The following LOC131768270 variants were observed in gnomAD, a reference collection of about 807,000 sequenced individuals.
chr5:140,565,886 A>C, the LOC131768270 span: 40 of 398,952 alleles, frequency 1.0e-4, no homozygotes, highest in African/African-American at 8.0e-4. Flanking sequence ...TCTCTGCCTA[A>C]GCTTAAGGAC....
the LOC131768270 span, chr5:140,567,906 T>C: frequency 6.2e-7 from 1 of 1,614,074 alleles, no homozygotes; most frequent in African/African-American, 1.3e-5. Context: ...CCAGGCCTCC[T>C]GGAAGGTTTC....
At chr5:140,567,760 C>T in the LOC131768270 span, 1 of 1,614,152 alleles carries the variant, frequency 6.2e-7, no homozygotes, top group Non-Finnish European at 8.5e-7. Context: ...TGTACTGCCT[C>T]ATCTCAGGCT....
the LOC131768270 span, chr5:140,565,896 C>T: frequency 1.5e-5 from 6 of 398,846 alleles, no homozygotes; most frequent in Non-Finnish European, 2.7e-5. Context: ...AGCTTAAGGA[C>T]CTGGCATTTC....
chr5:140,567,532 CAA>C, the LOC131768270 span: 1 of 1,614,206 alleles, frequency 6.2e-7, no homozygotes, highest in African/African-American at 1.3e-5. Flanking sequence ...TGAGTAATCT[CAA>C]GATTGGAAGC....
chr5:140,565,701 A>G, the LOC131768270 span: 1 of 385,926 alleles, frequency 2.6e-6, no homozygotes, highest in African/African-American at 2.1e-5. Flanking sequence ...CCTCATTTGA[A>G]TTCTGTGCTT....
chr5:140,566,431 A>G, the LOC131768270 span: 1 of 398,364 alleles, frequency 2.5e-6, no homozygotes, highest in South Asian at 1.4e-4. Context: ...ACCTTGGGAA[A>G]AATCTGGAGA....
At chr5:140,567,443 T>G in the LOC131768270 span, 2 of 1,614,150 alleles carry the variant, frequency 1.2e-6, no homozygotes, top group Non-Finnish European at 1.7e-6. Flanking sequence ...CTTCGCACTA[T>G]CAGCCCTGCT....
chr5:140,567,118 A>C, the LOC131768270 span: 3 of 1,613,472 alleles, frequency 1.9e-6, no homozygotes, highest in Admixed American at 5.0e-5. Context: ...GATTTTCCCC[A>C]AACGTGTTGC....
the LOC131768270 span, chr5:140,566,479 G>A: frequency 2.5e-6 from 1 of 400,658 alleles, no homozygotes; most frequent in Non-Finnish European, 4.4e-6. Context: ...GGAGCTGGTG[G>A]TGGAATGCTC....
chr5:140,567,222 G>T, the LOC131768270 span: 1 of 1,614,148 alleles, frequency 6.2e-7, no homozygotes, highest in Non-Finnish European at 8.5e-7. Context: ...AGGCAGGCCC[G>T]CTGGACCCTG....
chr5:140,567,019 C>A, the LOC131768270 span: 1 of 1,223,148 alleles, frequency 8.2e-7, no homozygotes. Context: ...CAAGCCCTGA[C>A]TGTGGAGTTG....
chr5:140,567,261 G>T, the LOC131768270 span: 199 of 1,614,202 alleles, frequency 1.2e-4, 2 homozygotes, highest in East Asian at 3.0e-3. Flanking sequence ...GCCATGTACG[G>T]TGCCCATGCC....
At chr5:140,567,733 C>A in the LOC131768270 span, 8 of 1,614,162 alleles carry the variant, frequency 5.0e-6, no homozygotes, top group East Asian at 1.8e-4. Context: ...CTCCGCTAGG[C>A]CTGCTGCTCC....
chr5:140,568,281 C>T, the LOC131768270 span: 2 of 1,389,058 alleles, frequency 1.4e-6, no homozygotes, highest in Non-Finnish European at 2.0e-6. Flanking sequence ...GAAGTGAGGG[C>T]AGCCAGGTTA....
At chr5:140,567,935 G>C in the LOC131768270 span, 1 of 1,614,192 alleles carries the variant, frequency 6.2e-7, no homozygotes, top group South Asian at 1.1e-5. Context: ...GGCAGCACTC[G>C]TGGTGCTGAG....
At chr5:140,565,170 T>C in the LOC131768270 span, 1 of 348,290 alleles carries the variant, frequency 2.9e-6, no homozygotes. Context: ...GAAATTTTCT[T>C]CCCAGTGACA....
the LOC131768270 span, chr5:140,565,978 A>G: frequency 5.0e-6 from 2 of 398,814 alleles, no homozygotes; most frequent in African/African-American, 4.1e-5. Flanking sequence ...CCAGGTAAGG[A>G]CTGTCCCACC....
the LOC131768270 span, chr5:140,567,866 C>G: frequency 6.2e-7 from 1 of 1,614,210 alleles, no homozygotes; most frequent in Non-Finnish European, 8.5e-7. Context: ...GCTTCTGAAT[C>G]TAGGTCTGCA....
the LOC131768270 span, chr5:140,568,256 G>C: frequency 1.3e-6 from 2 of 1,549,502 alleles, no homozygotes; most frequent in Admixed American, 3.6e-5. Context: ...CAAGTGCCTT[G>C]TGAGAAAAGC....
Sources: allele counts gnomAD v4.1 joint callset, GRCh38; gene constraint gnomAD v4.1.1; transcripts MANE v1.5.